HSPB7: variants seen among roughly 807,000 people sequenced by gnomAD.
HSPB7 encodes heat shock protein beta-7.
HSPB7 carries 9 observed loss-of-function variants against 11.0 expected under a neutral mutation model. The observed-to-expected ratio is 0.82, with a 90% CI of 0.49 to 1.43. HSPB7 has a LOEUF of 1.43. HSPB7 is among the 40% of genes most tolerant of loss of function. The probability of loss-of-function intolerance (pLI) is 0.00; values close to 1 mark genes in which losing one functional copy is unlikely to be tolerated. For missense variants in HSPB7, 246 were observed against 243.9 expected (o/e 1.01, Z -0.06); for synonymous variants, 102 against 101.6 (o/e 1.00, Z -0.02).
At chr1:16,017,501 G>T in intron 1 of HSPB7, 1 of 587,130 alleles carries the variant, frequency 1.7e-6, no homozygotes, top group Non-Finnish European at 3.0e-6. Context: ...CAGGGCTCCA[G>T]CTGGGATTGG....
upstream of HSPB7, chr1:16,019,075 G>T (rs541345080): frequency 1.4e-5 from 19 of 1,399,364 alleles, no homozygotes; most frequent in Admixed American, 2.8e-4. Flanking sequence ...AGGCTGGCCC[G>T]GAAGAGCCAG....
At chr1:16,016,108 G>A (rs2021700437) in intron 2 of HSPB7, among the ~76,000 whole-genome samples, 1 of 152,236 alleles carries the variant, frequency 6.6e-6, no homozygotes, top group Admixed American at 6.5e-5. Flanking sequence ...CTGGATCCCC[G>A]GGCACATTGG....
At chr1:16,016,900 G>T (rs2148843175) in intron 2 of HSPB7, among the ~76,000 whole-genome samples, 174 bp downstream of exon 2, 1 of 152,296 alleles carries the variant, frequency 6.6e-6, no homozygotes, top group East Asian at 1.9e-4. Context: ...AGGCAGTGAG[G>T]GGGCCCCATG....
At position 16,017,058 on chromosome 1, in the gene HSPB7, G is replaced by T; in HGVS notation, c.333+16C>A. The T allele has an allele frequency of 6.2e-7, 1 of 1,601,206 alleles. No homozygotes were observed. The highest frequency in any genetic ancestry group is 8.6e-7 in the Non-Finnish European group (1 of 1,169,330). On this transcript the variant is annotated intron_variant, in intron 2 of 2. Coordinates refer to ENST00000311890, the MANE Select transcript of HSPB7 (RefSeq NM_014424.5). ...GCAGAATTTGGGATGCGGTGAGTAG[G>T]GGGTGGGGGGCTCACCTTCTCAGCC...
At chr1:16,017,548 T>G in intron 1 of HSPB7, 1 of 594,636 alleles carries the variant, frequency 1.7e-6, no homozygotes, top group Non-Finnish European at 2.9e-6. Context: ...TGGAACCATG[T>G]CCAACCCCCA....
upstream of HSPB7, chr1:16,019,240 C>T (rs1544131): frequency 0.077 from 118,811 of 1,547,974 alleles, 6,484 homozygotes; most frequent in African/African-American, 0.26. Flanking sequence ...CCGTCCCTTC[C>T]GTCCCAGATC....
Position 16,014,492 on chromosome 1 carries a change from CAA to C in HSPB7, c.*1086_*1087del, listed in dbSNP as rs2021553222. On this transcript the variant is annotated 3_prime_UTR_variant, in exon 3 of 3. Coordinates refer to ENST00000311890, the MANE Select transcript of HSPB7 (RefSeq NM_014424.5). ...TGGGTTCAGATCTAACCTTCAGTGA[CAA>C]AGCACAGCACTCAGTGGCTCGGGGA... 1 of 152,214 alleles carries C rather than the reference CAA, an allele frequency of 6.6e-6. No homozygotes were observed. The highest frequency in any genetic ancestry group is 1.5e-5 in the Non-Finnish European group (1 of 68,048). 9.4% of individuals were successfully genotyped at this position (152,214 alleles called of 1,614,324 possible). A position where few individuals can be genotyped will look rare whatever the true frequency, so the allele number is the denominator to read the frequency against.
upstream of HSPB7, chr1:16,018,361 CCCGTCAGCCTGGG>C: frequency 8.3e-7 from 1 of 1,203,920 alleles, no homozygotes; most frequent in Non-Finnish European, 1.1e-6. Context: ...TTTTGTTTCC[CCCGTCAGCCTGGG>C]GGCTCCTGAG....
chr1:16,014,097 G>C lies in HSPB7; in HGVS notation c.*1483C>G, dbSNP rs1194894061. ...GGGCTCTCCCACGGCCCCCTCCCCA[G>C]TCCTCCCCCAAGGGGCCCAGAGTGG... On this transcript the variant is annotated 3_prime_UTR_variant, in exon 3 of 3. Coordinates refer to ENST00000311890, the MANE Select transcript of HSPB7 (RefSeq NM_014424.5). The C allele has an allele frequency of 6.6e-6, 1 of 152,446 alleles. No individual in the cohort carries two copies. The highest frequency in any genetic ancestry group is 1.9e-4 in the East Asian group (1 of 5,188). The allele number at this position is 152,446 out of a possible 1,614,324, so 9.4% of individuals were successfully genotyped here.
intron 2 of HSPB7, 32 bp downstream of exon 2, chr1:16,017,042 G>C (rs1172527698): frequency 1.9e-6 from 3 of 1,591,712 alleles, no homozygotes; most frequent in Admixed American, 1.7e-5. Context: ...AGCAGAATTT[G>C]GGATGCGGTG....
intron 2 of HSPB7, among the ~76,000 whole-genome samples, chr1:16,016,730 A>C (rs779419247): frequency 6.7e-6 from 1 of 150,010 alleles, no homozygotes; most frequent in African/African-American, 2.5e-5. Flanking sequence ...AGCTGTCCTC[A>C]CTCTGCCATC....
upstream of HSPB7, chr1:16,019,542 T>A: frequency 6.9e-7 from 1 of 1,445,852 alleles, no homozygotes; most frequent in Non-Finnish European, 9.3e-7. Flanking sequence ...TGGAGCTTCA[T>A]CCTGGAGAGC....
chr1:16,018,012 G>A lies in HSPB7; in HGVS notation c.-49C>T, dbSNP rs1570281406. 1 of 1,611,848 alleles carries A rather than the reference G, an allele frequency of 6.2e-7. No individual in the cohort carries two copies. Among genetic ancestry groups the A allele is most frequent in the East Asian group, 2.2e-5 (1 of 44,832 alleles). Reference sequence around the variant, plus strand: ...CCAGGCGGGCGAGGGCTGGACAGGAGAGGGTGTGGGCGCAGGCCTCTGGGC... The same window carrying A: ...CCAGGCGGGCGAGGGCTGGACAGGAAAGGGTGTGGGCGCAGGCCTCTGGGC... On this transcript the variant is annotated 5_prime_UTR_variant, in exon 1 of 3. Coordinates refer to ENST00000311890, the MANE Select transcript of HSPB7 (RefSeq NM_014424.5).
rs1198770274 is a variant in HSPB7 at position 16,014,785 on chromosome 1, CT to C, written c.*794del. On this transcript the variant is annotated 3_prime_UTR_variant, in exon 3 of 3. Coordinates refer to ENST00000311890, the MANE Select transcript of HSPB7 (RefSeq NM_014424.5). Reference sequence around the variant, plus strand: ...TGGCTTCCATCTCTGTTAGGTGATCCTGTCTGCATGGGAGCAGCCCCAAGAA... The same window carrying C: ...TGGCTTCCATCTCTGTTAGGTGATCCGTCTGCATGGGAGCAGCCCCAAGAA... 1 of 152,248 alleles carries C rather than the reference CT, an allele frequency of 6.6e-6. No individual in the cohort carries two copies. Among genetic ancestry groups the C allele is most frequent in the Non-Finnish European group, 1.5e-5 (1 of 68,062 alleles). 9.4% of individuals were successfully genotyped at this position (152,248 alleles called of 1,614,324 possible). A position where few individuals can be genotyped will look rare whatever the true frequency, so the allele number is the denominator to read the frequency against.
rs1264679238 is a variant in HSPB7 at position 16,017,010 on chromosome 1, A to T, written c.333+64T>A. 7 of 1,518,222 alleles carry T rather than the reference A, an allele frequency of 4.6e-6. No individual in the cohort carries two copies. The Admixed American group carries it at 5.2e-5, about 11-fold the overall frequency. The allele number at this position is 1,518,222 out of a possible 1,614,324, so 94.0% of individuals were successfully genotyped here. ...CTGGGGTCCCAGGATGGTAAGGGGG[A>T]GTAGGAGACATTGGAGGCAGGAGCA... is the stretch of plus-strand genomic sequence containing the variant. On this transcript the variant is annotated intron_variant, in intron 2 of 2. Coordinates refer to ENST00000311890, the MANE Select transcript of HSPB7 (RefSeq NM_014424.5).
At chr1:16,019,122 G>A, upstream of HSPB7, 2 of 1,540,866 alleles carry the variant, frequency 1.3e-6, no homozygotes, top group Non-Finnish European at 1.8e-6. Context: ...GCTCAGCAAA[G>A]CTGGGACTGA....
In HSPB7 at chr1:16,015,433, T is replaced by G; in HGVS notation, c.*147A>C. 1 of 688,328 alleles carries G rather than the reference T, an allele frequency of 1.5e-6. No homozygotes were observed. Among genetic ancestry groups the G allele is most frequent in the Non-Finnish European group, 2.5e-6 (1 of 402,388 alleles). 42.6% of individuals were successfully genotyped at this position (688,328 alleles called of 1,614,324 possible). A position where few individuals can be genotyped will look rare whatever the true frequency, so the allele number is the denominator to read the frequency against. On this transcript the variant is annotated 3_prime_UTR_variant, in exon 3 of 3. Coordinates refer to ENST00000311890, the MANE Select transcript of HSPB7 (RefSeq NM_014424.5). The surrounding 1 kb of genome is among the most constrained non-coding windows in gnomAD (Gnocchi z 4.9). ...CTGCCCTGGATAGAGTGGAGGGCCC[T>G]AGTTTGGGAGGATGGTCCACCTGGG...
At chr1:16,017,291 G>T in intron 1 of HSPB7, 84 bp from the exon 2 acceptor site, 1 of 1,555,864 alleles carries the variant, frequency 6.4e-7, no homozygotes, top group Non-Finnish European at 8.7e-7. Context: ...CTTGGGGCAA[G>T]GGGCGGCTCC....
chr1:16,018,601 A>T (rs910438937), upstream of HSPB7: 32 of 1,043,134 alleles, frequency 3.1e-5, no homozygotes, highest in African/African-American at 3.1e-4. Flanking sequence ...GCCAGCCCCC[A>T]TGGGGACCTG....
Sources: allele counts gnomAD v4.1 joint callset (sites outside exome capture counted in the v4.1 genomes callset), GRCh38; gene constraint gnomAD v4.1.1; non-coding constraint Gnocchi (gnomAD v3.1); transcripts MANE v1.5; gene names NCBI Gene and HGNC (gene_info 2026-07-23, HGNC 2026-07-21).